Variants in TXLNB observed in about 807,000 individuals in gnomAD.
The protein encoded by TXLNB is taxilin beta.
TXLNB carries 37 observed loss-of-function variants against 57.4 expected under a neutral mutation model. The observed-to-expected ratio is 0.64, with a 90% confidence interval of 0.50 to 0.85. The LOEUF (loss-of-function observed/expected upper bound fraction) is 0.85, where lower values mean the gene tolerates loss of function less well. TXLNB is among the 40% of genes least tolerant of loss of function. The probability of loss-of-function intolerance (pLI) is 0.00; values close to 1 mark genes in which losing one functional copy is unlikely to be tolerated. For missense variants in TXLNB, 848 were observed against 825.6 expected, an observed-to-expected ratio of 1.03 and a Z score of -0.33; for synonymous variants, 302 against 309.6, an observed-to-expected ratio of 0.98 and a Z score of 0.26.
chr6:139,271,406 G>A (rs939886742), intron 3 of TXLNB: 11 of 152,122 alleles, frequency 7.2e-5, no homozygotes, highest in African/African-American at 2.7e-4. Context: ...CTAAAGTACT[G>A]TATCAGGACT....
At chr6:139,322,010 G>A in the TXLNB span, among the ~76,000 whole-genome samples, 1 of 151,608 alleles carries the variant, frequency 6.6e-6, no homozygotes, top group Non-Finnish European at 1.5e-5. Context: ...ATGTTGCCCA[G>A]GCTGGAGTGC....
At chr6:139,323,040 T>A in the TXLNB span, among the ~76,000 whole-genome samples, 1 of 152,190 alleles carries the variant, frequency 6.6e-6, no homozygotes, top group East Asian at 1.9e-4. Context: ...CATTTTAAAA[T>A]AAGAAACTAG....
the TXLNB span, among the ~76,000 whole-genome samples, chr6:139,231,316 T>A: frequency 6.6e-6 from 1 of 152,118 alleles, no homozygotes; most frequent in Non-Finnish European, 1.5e-5. Flanking sequence ...TCCAGGCCCT[T>A]CCCACGGTGC....
At chr6:139,229,522 T>C in the TXLNB span, among the ~76,000 whole-genome samples, 100,240 of 151,946 alleles carry the variant, frequency 0.66, 33,521 homozygotes, top group East Asian at 0.81. Context: ...GGGGCTTTAC[T>C]ATGTTGGCCA....
chr6:139,294,428 T>C (rs893857661), upstream of TXLNB, among the ~76,000 whole-genome samples: 1 of 152,188 alleles, frequency 6.6e-6, no homozygotes, highest in African/African-American at 2.4e-5. Context: ...TGAATGTTTG[T>C]GTCCCCCCAA....
chr6:139,269,750 G>A (rs1404358429), intron 4 of TXLNB, among the ~76,000 whole-genome samples: 1 of 152,180 alleles, frequency 6.6e-6, no homozygotes, highest in African/African-American at 2.4e-5. Context: ...CTGGAAAGGG[G>A]ATTGGGGATG....
chr6:139,299,668 C>T, the TXLNB span, among the ~76,000 whole-genome samples: 1 of 152,146 alleles, frequency 6.6e-6, no homozygotes, highest in Non-Finnish European at 1.5e-5. Context: ...TGTTACCTAA[C>T]TCCAGGGGTC....
the TXLNB span, among the ~76,000 whole-genome samples, chr6:139,181,769 T>C: frequency 6.6e-6 from 1 of 152,214 alleles, no homozygotes; most frequent in African/African-American, 2.4e-5. Context: ...TGTTAACATG[T>C]AATAGCCAGT....
At chr6:139,289,032 GAGAA>G (rs138199531) in intron 1 of TXLNB, 119 bp from the exon 2 acceptor site, 1 of 669,772 alleles carries the variant, frequency 1.5e-6, no homozygotes, top group Non-Finnish European at 2.2e-6. Context: ...CTCTAACGTA[GAGAA>G]AGGCAATGTC....
At chr6:139,322,349 G>T in the TXLNB span, among the ~76,000 whole-genome samples, 1 of 152,256 alleles carries the variant, frequency 6.6e-6, no homozygotes, top group East Asian at 1.9e-4. Flanking sequence ...GGGTTGGGGG[G>T]ACAAGTGTTG....
At chr6:139,198,873 T>C in the TXLNB span, among the ~76,000 whole-genome samples, 1 of 152,190 alleles carries the variant, frequency 6.6e-6, no homozygotes, top group African/African-American at 2.4e-5. Context: ...ATCATTCCTC[T>C]TTGTTTCCTG....
At chr6:139,217,988 G>A in the TXLNB span, among the ~76,000 whole-genome samples, 1 of 150,878 alleles carries the variant, frequency 6.6e-6, no homozygotes. Context: ...CCAATAATTT[G>A]TATTTACCTG....
chr6:139,249,296 A>G (rs547056925), intron 7 of TXLNB, among the ~76,000 whole-genome samples: 6 of 152,342 alleles, frequency 3.9e-5, no homozygotes, highest in African/African-American at 1.2e-4. Context: ...TGTTTTGAAT[A>G]AGAGAGGATT....
At chr6:139,226,605 A>C in the TXLNB span, among the ~76,000 whole-genome samples, 1 of 152,204 alleles carries the variant, frequency 6.6e-6, no homozygotes, top group Non-Finnish European at 1.5e-5. Flanking sequence ...ACAAGAAAAA[A>C]CAGATAAACC....
chr6:139,302,608 A>G, the TXLNB span, among the ~76,000 whole-genome samples: 1 of 118,034 alleles, frequency 8.5e-6, no homozygotes, highest in Admixed American at 8.8e-5. Flanking sequence ...TACTAAAAAT[A>G]CAAAAAAAAA....
At chr6:139,184,851 T>C in the TXLNB span, among the ~76,000 whole-genome samples, 2 of 152,222 alleles carry the variant, frequency 1.3e-5, no homozygotes. Context: ...TGGAGTTCCA[T>C]ATAGTCTTGG....
At chr6:139,234,975 A>G in the TXLNB span, among the ~76,000 whole-genome samples, 3 of 152,254 alleles carry the variant, frequency 2.0e-5, no homozygotes. Context: ...CATCAGCATA[A>G]CCTGGATGTG....
At chr6:139,169,032 A>G in the TXLNB span, among the ~76,000 whole-genome samples, 2 of 152,098 alleles carry the variant, frequency 1.3e-5, no homozygotes, top group East Asian at 1.9e-4. Flanking sequence ...AAATTTCACC[A>G]TATGTGGGTC....
At position 139,265,446 on chromosome 6, in the gene TXLNB, C is replaced by CTG. The variant is rs527777964; in HGVS notation, c.688-2675_688-2674dup. 2.2e-3 allele frequency among the ~76,000 whole-genome samples: 325 copies of CTG among 146,364 alleles called. 6 individuals carry two copies. The South Asian group carries it at 0.028, about 13-fold the overall frequency. ...GTTGTATGTGTGTGTGTGTGTGTGT[C>CTG]TGTGTGTGTGTGTGTGCGTTTGACT... On this transcript the variant is annotated intron_variant, in intron 4 of 9. Transcript: ENST00000358430.
Sources: allele counts gnomAD v4.1 joint callset (sites outside exome capture counted in the v4.1 genomes callset), GRCh38; gene constraint gnomAD v4.1.1; transcripts MANE v1.5; gene names NCBI Gene and HGNC (gene_info 2026-07-23, HGNC 2026-07-21).